FOXF2: variants seen among roughly 807,000 people sequenced by gnomAD.
FOXF2 encodes the protein forkhead box protein F2.
A neutral mutation model predicts 29.1 loss-of-function variants in FOXF2; 15 were observed. The ratio of observed to expected loss-of-function variants is 0.52; its 90% CI spans 0.35 to 0.79. The LOEUF (loss-of-function observed/expected upper bound fraction) is 0.79. FOXF2 is among the 30% of genes least tolerant of loss of function. The probability of loss-of-function intolerance (pLI) is 0.01; values close to 1 mark genes in which losing one functional copy is unlikely to be tolerated. For synonymous variants in FOXF2, 337 were observed against 316.5 expected, an observed-to-expected ratio of 1.06 and a Z score of -0.69; for missense variants, 675 against 667.1, an observed-to-expected ratio of 1.01 and a Z score of -0.13.
Position 1,393,156 on chromosome 6 carries a change from C to G in FOXF2, c.1172-1540C>G, listed in dbSNP as rs559129736. 5.3e-5 allele frequency among the ~76,000 whole-genome samples: 8 copies of G among 152,230 alleles called. No homozygotes were observed. In the East Asian group the frequency reaches 1.6e-3, roughly 30 times the overall value. On this transcript the variant is annotated intron_variant, in intron 1 of 1. Coordinates refer to ENST00000645481, the MANE Select transcript of FOXF2 (RefSeq NM_001452.2). ...ACAGATCAGCACATGTCTACGCGCA[C>G]ACACCCAGCACGACCCTCCCTCCCC... is the stretch of plus-strand genomic sequence containing the variant.
Position 1,395,178 on chromosome 6 carries a change from CAG to C in FOXF2, c.*320_*321del. The C allele has an allele frequency of 2.5e-6, 1 of 393,108 alleles. No homozygotes were observed. Among genetic ancestry groups the C allele is most frequent in the Non-Finnish European group, 4.7e-6 (1 of 210,782 alleles). 24.4% of individuals were successfully genotyped at this position (393,108 alleles called of 1,614,324 possible). ...TGGGATCTTCGTTGCCTTCAGTAATCAGGGTGTGAAAAAAGCAGACAAGTTGT... is the reference window on the plus strand; with the variant it reads ...TGGGATCTTCGTTGCCTTCAGTAATCGGTGTGAAAAAAGCAGACAAGTTGT... On this transcript the variant is annotated 3_prime_UTR_variant, in exon 2 of 2. Transcript: ENST00000645481.
At chr6:1,393,576 C>T (rs1022110123) in intron 1 of FOXF2, among the ~76,000 whole-genome samples, 2 of 152,160 alleles carry the variant, frequency 1.3e-5, no homozygotes, top group Non-Finnish European at 2.9e-5. Flanking sequence ...GGCCCCTGAG[C>T]AGCCGCCTCG....
At chr6:1,393,144 TG>T (rs1227415513) in intron 1 of FOXF2, among the ~76,000 whole-genome samples, 1 of 151,918 alleles carries the variant, frequency 6.6e-6, no homozygotes, top group Non-Finnish European at 1.5e-5. Flanking sequence ...GATCAGCACA[TG>T]TCTACGCGCA....
chr6:1,390,838 C>T lies in FOXF2; in HGVS notation c.891C>T (p.Val297=), dbSNP rs1291380858. Residue 297 remains valine (V), a synonymous_variant, in exon 1 of 2, where the codon GTC becomes GTT. Transcript: ENST00000645481. This position sits in a 1 kb window ranked among gnomAD's most constrained non-coding sequence, Gnocchi z 8.5. ...SCPVPAGPGG[V]GAAGGGGGGD... is the part of the protein sequence containing the mutation. Reference sequence around the variant, plus strand: ...CGGTGCCCGCGGGACCCGGGGGCGTCGGTGCGGCCGGGGGCGGCGGCGGCG... The same window carrying T: ...CGGTGCCCGCGGGACCCGGGGGCGTTGGTGCGGCCGGGGGCGGCGGCGGCG... 12 of 1,382,190 alleles carry T rather than the reference C, an allele frequency of 8.7e-6. No homozygotes were observed. In the South Asian group the frequency reaches 1.5e-4, roughly 17 times the overall value. 85.6% of individuals were successfully genotyped at this position (1,382,190 alleles called of 1,614,324 possible). A position where few individuals can be genotyped will look rare whatever the true frequency, so the allele number is the denominator to read the frequency against.
In FOXF2 at chr6:1,389,960, G is replaced by C; in HGVS notation, c.13G>C (p.Gly5Arg). 1.0e-6 allele frequency: 1 copy of C among 997,926 alleles called. No individual in the cohort carries two copies. The highest frequency in any genetic ancestry group is 1.2e-6 in the Non-Finnish European group (1 of 839,874). The allele number at this position is 997,926 out of a possible 1,614,324, so 61.8% of individuals were successfully genotyped here. Reference sequence around the variant, plus strand: ...TCCCGGGTCCCAGATGACCACCGAGGGCGGGCCGCCGCCGGCCCCGCTCCG... The same window carrying C: ...TCCCGGGTCCCAGATGACCACCGAGCGCGGGCCGCCGCCGGCCCCGCTCCG... The part of the protein sequence containing the change: MTTE[G>R]GPPPAPLRRA... The change falls in exon 1 of 2, where the codon GGC becomes CGC. Residue 5 changes from glycine to arginine, a missense_variant. Gly to Arg is a moderately radical substitution (Grantham distance 125, BLOSUM62 -2). Coordinates refer to ENST00000645481, the MANE Select transcript of FOXF2 (RefSeq NM_001452.2).
chr6:1,392,207 G>A (rs561802685), intron 1 of FOXF2, among the ~76,000 whole-genome samples: 103 of 152,300 alleles, frequency 6.8e-4, no homozygotes, highest in Non-Finnish European at 1.1e-3. Context: ...ATGGGCAAAA[G>A]ATGTTGGTTC....
At position 1,390,871 on chromosome 6, in the gene FOXF2, C is replaced by A; in HGVS notation, c.924C>A (p.Tyr308Ter). 1.3e-6 allele frequency: 2 copies of A among 1,490,156 alleles called. No individual in the cohort carries two copies. The highest frequency in any genetic ancestry group is 1.8e-6 in the Non-Finnish European group (2 of 1,127,576). 92.3% of individuals were successfully genotyped at this position (1,490,156 alleles called of 1,614,324 possible). Residue 308 changes from tyrosine (Y) to a stop codon, truncating the protein, a stop_gained, in exon 1 of 2, where the codon TAC becomes TAA. Transcript: ENST00000645481. LOFTEE classifies it high-confidence loss of function. The surrounding 1 kb of genome is among the most constrained non-coding windows in gnomAD (Gnocchi z 8.5). Reference sequence around the variant, plus strand: ...CCGGGGGCGGCGGCGGCGGCGACTACGGGCCGGACAGCAGCAGCAGCCCGG... The same window carrying A: ...CCGGGGGCGGCGGCGGCGGCGACTAAGGGCCGGACAGCAGCAGCAGCCCGG... ...GAAGGGGGGD[Y>*]GPDSSSSPVP...
intron 1 of FOXF2, among the ~76,000 whole-genome samples, chr6:1,391,569 A>G (rs1371846923): frequency 2.6e-5 from 4 of 151,356 alleles, no homozygotes; most frequent in South Asian, 2.1e-4. Flanking sequence ...TCAGAATCAG[A>G]TATGTTCTGT....
chr6:1,390,953 C>A lies in FOXF2; in HGVS notation c.1006C>A (p.Pro336Thr). 6.3e-7 allele frequency: 1 copy of A among 1,590,586 alleles called. No homozygotes were observed. Among genetic ancestry groups the A allele is most frequent in the Non-Finnish European group, 8.5e-7 (1 of 1,175,906 alleles). ...CGAATGCCACTCGCCCTACACGAGC[C>A]CTGCGGCGCACTGGAGCTCGCCTGG... The part of the protein sequence containing the change: ...AIECHSPYTS[P>T]AAHWSSPGAS... The change falls in exon 1 of 2, where the codon CCT becomes ACT. Residue 336 changes from proline to threonine, a missense_variant. Transcript: ENST00000645481. This position sits in a 1 kb window ranked among gnomAD's most constrained non-coding sequence, Gnocchi z 8.5.
intron 1 of FOXF2, among the ~76,000 whole-genome samples, chr6:1,394,457 G>A (rs1375981524): frequency 6.6e-6 from 1 of 152,138 alleles, no homozygotes; most frequent in East Asian, 1.9e-4. Context: ...CCCCTCGAGG[G>A]GGAACTTGCT....
intron 1 of FOXF2, among the ~76,000 whole-genome samples, chr6:1,392,122 G>A (rs950406941): frequency 6.6e-6 from 1 of 152,174 alleles, no homozygotes; most frequent in Non-Finnish European, 1.5e-5. Flanking sequence ...ACAGTGGCTT[G>A]GAGGGTGATG....
chr6:1,393,530 G>A (rs953322845), intron 1 of FOXF2, among the ~76,000 whole-genome samples: 1 of 152,160 alleles, frequency 6.6e-6, no homozygotes, highest in Non-Finnish European at 1.5e-5. Context: ...CGCCGGGTGT[G>A]TTCGGGTAGG....
In FOXF2 at chr6:1,394,950, C is replaced by T. The variant is rs1057036520; in HGVS notation, c.*91C>T. On this transcript the variant is annotated 3_prime_UTR_variant, in exon 2 of 2. Transcript: ENST00000645481. ...GGGACGGATTCAAGTCACATGCACG[C>T]GGATAGCAGTAAGCCACACACCTGC... 1.2e-5 allele frequency: 16 copies of T among 1,325,854 alleles called. No individual in the cohort carries two copies. Among genetic ancestry groups the T allele is most frequent in the East Asian group, 4.6e-5 (2 of 43,476 alleles). 82.1% of individuals were successfully genotyped at this position (1,325,854 alleles called of 1,614,324 possible).
chr6:1,394,965 C>A lies in FOXF2; in HGVS notation c.*106C>A. ...CACATGCACGCGGATAGCAGTAAGC[C>A]ACACACCTGCCACTTAGCCAGAATG... On this transcript the variant is annotated 3_prime_UTR_variant, in exon 2 of 2. Coordinates refer to ENST00000645481, the MANE Select transcript of FOXF2 (RefSeq NM_001452.2). 8.9e-7 allele frequency: 1 copy of A among 1,129,142 alleles called. No individual in the cohort carries two copies. Among genetic ancestry groups the A allele is most frequent in the Non-Finnish European group, 1.3e-6 (1 of 755,200 alleles). 69.9% of individuals were successfully genotyped at this position (1,129,142 alleles called of 1,614,324 possible). A position where few individuals can be genotyped will look rare whatever the true frequency, so the allele number is the denominator to read the frequency against.
rs756335570 is a variant in FOXF2, at chr6:1,390,979, C to T, written c.1032C>T (p.Gly344=). 20 of 1,594,904 alleles carry T rather than the reference C, an allele frequency of 1.3e-5. No homozygotes were observed. The highest frequency in any genetic ancestry group is 3.4e-6 in the Non-Finnish European group (4 of 1,177,654). ...CTGCGGCGCACTGGAGCTCGCCTGG[C>T]GCCTCGCCTTACCTCAAGCAGCCGC... The part of the protein sequence containing the change: ...TSPAAHWSSP[G]ASPYLKQPPA... Residue 344 remains glycine, a synonymous_variant, in exon 1 of 2, where the codon GGC becomes GGT. Coordinates refer to ENST00000645481, the MANE Select transcript of FOXF2 (RefSeq NM_001452.2). This position sits in a 1 kb window ranked among gnomAD's most constrained non-coding sequence, Gnocchi z 8.5.
intron 1 of FOXF2, 138 bp from the exon 2 acceptor site, chr6:1,394,558 G>A (rs1758861218): frequency 5.2e-6 from 4 of 765,040 alleles, no homozygotes; most frequent in African/African-American, 1.7e-5. Context: ...TTCTAAAGCT[G>A]GGCTTTCTCT....
rs777853676 is a variant in FOXF2 at position 1,390,980 on chromosome 6, G to T, written c.1033G>T (p.Ala345Ser). Residue 345 changes from alanine (A) to serine (S), a missense_variant, in exon 1 of 2, where the codon GCC (alanine) becomes TCC (serine). Physicochemically the swap from Ala to Ser is moderately conservative, Grantham distance 99. Around this residue, in one of 3 missense-constraint regions of FOXF2, gnomAD observed 451 missense variants for 437.2 expected, o/e 1.03. Coordinates refer to ENST00000645481, the MANE Select transcript of FOXF2 (RefSeq NM_001452.2). The surrounding 1 kb of genome is among the most constrained non-coding windows in gnomAD (Gnocchi z 8.5). ...SPAAHWSSPGASPYLKQPPAL... is the reference protein window; with the variant it reads ...SPAAHWSSPGSSPYLKQPPAL... ...TGCGGCGCACTGGAGCTCGCCTGGCGCCTCGCCTTACCTCAAGCAGCCGCC... is the reference window on the plus strand; with the variant it reads ...TGCGGCGCACTGGAGCTCGCCTGGCTCCTCGCCTTACCTCAAGCAGCCGCC... 1.9e-6 allele frequency: 3 copies of T among 1,595,242 alleles called. No homozygotes were observed. The highest frequency in any genetic ancestry group is 1.7e-6 in the Non-Finnish European group (2 of 1,177,726).
In FOXF2 at chr6:1,395,058, G is replaced by A. The variant is rs1031857240; in HGVS notation, c.*199G>A. 2.3e-5 allele frequency: 14 copies of A among 612,968 alleles called. No individual in the cohort carries two copies. The highest frequency in any genetic ancestry group is 3.7e-5 in the African/African-American group (2 of 54,378). 38.0% of individuals were successfully genotyped at this position (612,968 alleles called of 1,614,324 possible). On this transcript the variant is annotated 3_prime_UTR_variant, in exon 2 of 2. Transcript: ENST00000645481. ...GAAGGACAACCGCTGGCAAGGTAGC[G>A]TTCCCCAATCTGAATACCTGCAGGC... is the stretch of plus-strand genomic sequence containing the variant.
chr6:1,394,422 A>C (rs1271530687), intron 1 of FOXF2, among the ~76,000 whole-genome samples: 2 of 152,162 alleles, frequency 1.3e-5, no homozygotes, highest in Non-Finnish European at 2.9e-5. Context: ...AGAGAATAAA[A>C]TTGGAATTCC....
Sources: gnomAD v4.1 joint callset for allele counts (sites outside exome capture counted in the v4.1 genomes callset) on GRCh38, gnomAD v4.1.1 for gene constraint, gnomAD v4.1.1 regional missense constraint, Gnocchi (gnomAD v3.1) non-coding constraint, MANE v1.5 for transcripts, NCBI Gene and HGNC (gene_info 2026-07-23, HGNC 2026-07-21) for gene names.